Variants in CFHR4 observed in about 807,000 individuals in gnomAD.
CFHR4 encodes complement factor H-related protein 4.
A neutral mutation model predicts 69.3 loss-of-function variants in CFHR4; 64 were observed. That is an observed-to-expected ratio of 0.92 (90% confidence interval 0.76 to 1.14). The LOEUF (loss-of-function observed/expected upper bound fraction) is 1.14, where lower values mean the gene tolerates loss of function less well. Among genes scored for constraint, CFHR4 ranks in the 50% most tolerant of loss-of-function variants. The pLI is 0.00. For missense variants in CFHR4, 636 were observed against 684.9 expected (o/e 0.93, Z 0.80); for synonymous variants, 244 against 237.0 (o/e 1.03, Z -0.27).
chr1:196,907,296 T>A lies in CFHR4; in HGVS notation c.617-20T>A, dbSNP rs549670885. ...AATAAAACTGTTGATTTTTCCCCAATGTAAAGTATTTTTTTTCAGATTCTT... is the reference window on the plus strand; with the variant it reads ...AATAAAACTGTTGATTTTTCCCCAAAGTAAAGTATTTTTTTTCAGATTCTT... On this transcript the variant is annotated intron_variant, in intron 4 of 9. Coordinates refer to ENST00000608469, the MANE Select transcript of CFHR4 (RefSeq NM_001201550.3). 5 of 1,595,026 alleles carry A rather than the reference T, an allele frequency of 3.1e-6. No individual in the cohort carries two copies. Among genetic ancestry groups the A allele is most frequent in the Middle Eastern group, 1.7e-4 (1 of 5,986 alleles).
Position 196,904,418 on chromosome 1 carries a change from A to T in CFHR4, c.257-690A>T, listed in dbSNP as rs568252139. On this transcript the variant is annotated intron_variant, in intron 2 of 9. Coordinates refer to ENST00000608469, the MANE Select transcript of CFHR4 (RefSeq NM_001201550.3). ...TTTTTCTAATTACTAACCAAAAAAG[A>T]ACATACACATTATTAATAAGTTAGA... Among the ~76,000 whole-genome samples, 260 of 151,678 alleles carry T rather than the reference A, an allele frequency of 1.7e-3. 9 individuals carry two copies. The highest frequency in any genetic ancestry group is 5.9e-3 in the African/African-American group (245 of 41,218).
intron 1 of CFHR4, among the ~76,000 whole-genome samples, chr1:196,892,808 A>G (rs1308930797): frequency 6.6e-6 from 1 of 151,526 alleles, no homozygotes; most frequent in Non-Finnish European, 1.5e-5. Flanking sequence ...TGAAGCATTC[A>G]AGTCAAAAAG....
intron 7 of CFHR4, among the ~76,000 whole-genome samples, chr1:196,913,673 GTA>G (rs1294887521): frequency 6.6e-6 from 1 of 151,198 alleles, no homozygotes; most frequent in Non-Finnish European, 1.5e-5. Context: ...ATTGCCTAAT[GTA>G]TTTTTAACCC....
chr1:196,888,326 G>C, intron 1 of CFHR4, 118 bp downstream of exon 1: 1 of 915,140 alleles, frequency 1.1e-6, no homozygotes, highest in East Asian at 2.6e-5. Flanking sequence ...CACTATGCTA[G>C]CAGAAGTAGC....
At chr1:196,913,212 T>C (rs1658377907) in intron 7 of CFHR4, among the ~76,000 whole-genome samples, 1 of 151,562 alleles carries the variant, frequency 6.6e-6, no homozygotes. Context: ...GCAAAATGTG[T>C]TAGTTGCCAT....
At chr1:196,888,656 T>C (rs1388495996) in intron 1 of CFHR4, among the ~76,000 whole-genome samples, 1 of 151,266 alleles carries the variant, frequency 6.6e-6, no homozygotes, top group Non-Finnish European at 1.5e-5. Flanking sequence ...ATATTTTAAA[T>C]TATGCCATTT....
At chr1:196,912,693 A>G in intron 6 of CFHR4, 47 bp from the exon 7 acceptor site, 2 of 1,497,230 alleles carry the variant, frequency 1.3e-6, no homozygotes, top group South Asian at 2.6e-5. Flanking sequence ...CCTATAAAAG[A>G]AGTATTCAAC....
chr1:196,912,607 T>C (rs1658337068), intron 6 of CFHR4, 133 bp from the exon 7 acceptor site: 1 of 1,061,526 alleles, frequency 9.4e-7, no homozygotes, highest in African/African-American at 1.7e-5. Context: ...CTAGGAAACT[T>C]CCAGTTTTGC....
Position 196,914,961 on chromosome 1 carries a change from TCA to T in CFHR4, c.1364_1365del (p.Ser455Ter). 1 of 1,610,592 alleles carries T rather than the reference TCA, an allele frequency of 6.2e-7. No homozygotes were observed. The highest frequency in any genetic ancestry group is 1.7e-5 in the Admixed American group (1 of 59,660). Reference sequence around the variant, plus strand: ...TATAAAGTATTTTTTTTCAGATTCTTCAGAAAAGTGTGGGCCTCCTCCACCTA... The same window carrying T: ...TATAAAGTATTTTTTTTCAGATTCTTGAAAAGTGTGGGCCTCCTCCACCTA... ...WSHFPTCYNS[S>X]EKCGPPPPIS... is the part of the protein sequence containing the mutation. On this transcript the variant is annotated frameshift_variant, in exon 9 of 10. Transcript: ENST00000608469. LOFTEE classifies it high-confidence loss of function.
At chr1:196,917,680 G>T (rs1658727171) in intron 9 of CFHR4, among the ~76,000 whole-genome samples, 1 of 151,452 alleles carries the variant, frequency 6.6e-6, no homozygotes, top group Non-Finnish European at 1.5e-5. Context: ...ATGTATGTAT[G>T]TATGTATATA....
At chr1:196,914,282 AATG>A (rs1331403607) in intron 7 of CFHR4, among the ~76,000 whole-genome samples, 2 of 151,516 alleles carry the variant, frequency 1.3e-5, no homozygotes, top group African/African-American at 4.9e-5. Flanking sequence ...ACAGGATTTG[AATG>A]ATAAGAAAGA....
chr1:196,910,470 C>A lies in CFHR4; in HGVS notation c.989C>A (p.Pro330Gln), dbSNP rs1239754255. Reference sequence around the variant, plus strand: ...CAAGATGGGTGGTTGCCAACAGTCCCATGCCTCAGTAAGCAAACCTCTTTA... The same window carrying A: ...CAAGATGGGTGGTTGCCAACAGTCCAATGCCTCAGTAAGCAAACCTCTTTA... Reference protein sequence around the residue: ...CTQDGWLPTVPCLRTCSKSDI... With the variant: ...CTQDGWLPTVQCLRTCSKSDI... The change falls in exon 6 of 10, where the codon CCA becomes CAA. Residue 330 changes from proline (P) to glutamine (Q), a missense_variant. By Grantham distance (76) the Pro-to-Gln change is moderately conservative. Transcript: ENST00000608469. The A allele has an allele frequency of 6.2e-7, 1 of 1,611,358 alleles. No individual in the cohort carries two copies. Among genetic ancestry groups the A allele is most frequent in the African/African-American group, 1.3e-5 (1 of 74,422 alleles).
In CFHR4 at chr1:196,918,280, A is replaced by G. The variant is rs772163467; in HGVS notation, c.1611A>G (p.Lys537=). Reference sequence around the variant, plus strand: ...AGTTAAAAGGAAAAAGTGACATAAAATATTATGCAAAAACAGGGGATACCA... The same window carrying G: ...AGTTAAAAGGAAAAAGTGACATAAAGTATTATGCAAAAACAGGGGATACCA... ...NIQLKGKSDI[K]YYAKTGDTIE... is the part of the protein sequence containing the mutation. The change falls in exon 10 of 10, where the codon AAA becomes AAG. Residue 537 remains lysine (K), a synonymous_variant. Coordinates refer to ENST00000608469, the MANE Select transcript of CFHR4 (RefSeq NM_001201550.3). The G allele has an allele frequency of 3.7e-6, 6 of 1,609,038 alleles. No homozygotes were observed. The highest frequency in any genetic ancestry group is 3.3e-5 in the Admixed American group (2 of 59,862).
intron 5 of CFHR4, among the ~76,000 whole-genome samples, chr1:196,909,737 C>T (rs569697026): frequency 6.6e-6 from 1 of 151,164 alleles, no homozygotes; most frequent in Non-Finnish European, 1.5e-5. Flanking sequence ...TAATACCTAG[C>T]GTATGGGTTG....
chr1:196,903,658 A>C (rs1459935414), intron 2 of CFHR4, among the ~76,000 whole-genome samples: 1 of 150,758 alleles, frequency 6.6e-6, no homozygotes, highest in East Asian at 1.9e-4. Context: ...GTCTCAAGAA[A>C]AGAAAAAAAC....
In CFHR4 at chr1:196,906,934, A is replaced by G. The variant is rs1330437350; in HGVS notation, c.513A>G (p.Thr171=). ...SNGMWFKLHD[T]LDYECYDGYE... The stretch of plus-strand genomic sequence containing the variant: ...GCATGTGGTTTAAGCTCCATGACAC[A>G]TTGGACTATGAATGCTATGATGGAT... Residue 171 remains threonine (T), a synonymous_variant, in exon 4 of 10, where the codon ACA becomes ACG. Transcript: ENST00000608469. 2 of 1,612,544 alleles carry G rather than the reference A, an allele frequency of 1.2e-6. No homozygotes were observed. The highest frequency in any genetic ancestry group is 1.1e-5 in the South Asian group (1 of 90,982).
intron 1 of CFHR4, among the ~76,000 whole-genome samples, chr1:196,899,502 G>A (rs1404202882): frequency 1.3e-5 from 2 of 151,422 alleles, no homozygotes; most frequent in African/African-American, 4.9e-5. Context: ...TTGCTGTGAT[G>A]CTTAGGCTGA....
At chr1:196,904,065 T>C (rs1267162599) in intron 2 of CFHR4, among the ~76,000 whole-genome samples, 1 of 151,574 alleles carries the variant, frequency 6.6e-6, no homozygotes, top group African/African-American at 2.4e-5. Context: ...ATGGTAATCT[T>C]CTTACACATT....
chr1:196,902,466 A>G lies in CFHR4; in HGVS notation c.107A>G (p.Tyr36Cys). ...FPEIQHGGLY[Y>C]KSLRRLYFPA... ...GAAATTCAACATGGAGGTCTATATT[A>G]TAAGAGTTTGCGTAGACTATACTTT... Residue 36 changes from tyrosine to cysteine, a missense_variant, in exon 2 of 10, where the codon TAT becomes TGT. By Grantham distance (194) the Tyr-to-Cys change is radical (BLOSUM62 -2). Coordinates refer to ENST00000608469, the MANE Select transcript of CFHR4 (RefSeq NM_001201550.3). 1 of 1,612,108 alleles carries G rather than the reference A, an allele frequency of 6.2e-7. No individual in the cohort carries two copies. Among genetic ancestry groups the G allele is most frequent in the Non-Finnish European group, 8.5e-7 (1 of 1,179,044 alleles).
Sources: gnomAD v4.1 joint callset for allele counts (sites outside exome capture counted in the v4.1 genomes callset) on GRCh38, gnomAD v4.1.1 for gene constraint, MANE v1.5 for transcripts, NCBI Gene and HGNC (gene_info 2026-07-23, HGNC 2026-07-21) for gene names.